VPS13B: variants seen among roughly 807,000 people sequenced by gnomAD.
The protein encoded by VPS13B is intermembrane lipid transfer protein VPS13B.
In VPS13B, 285 loss-of-function variants were observed where a neutral mutation model predicts 426.4. The ratio of observed to expected loss-of-function variants is 0.67; its 90% confidence interval spans 0.61 to 0.74. The LOEUF (loss-of-function observed/expected upper bound fraction) is 0.74. Ranked by LOEUF, VPS13B falls within the 30% of genes least tolerant of loss-of-function variation. VPS13B has a pLI of 0.00. For missense variants in VPS13B, 4,537 were observed against 4,782.6 expected, an observed-to-expected ratio of 0.95 and a Z score of 1.51; for synonymous variants, 1,676 against 1,676.4, an observed-to-expected ratio of 1.00 and a Z score of 0.01.
intron 14 of VPS13B, among the ~76,000 whole-genome samples, chr8:99,153,221 A>G (rs1174420852): frequency 6.6e-6 from 1 of 152,182 alleles, no homozygotes; most frequent in Non-Finnish European, 1.5e-5. Flanking sequence ...TTTTGTAGAC[A>G]ATATATAGTT....
At chr8:99,058,823 A>C (rs1844026642) in intron 3 of VPS13B, among the ~76,000 whole-genome samples, 1 of 152,160 alleles carries the variant, frequency 6.6e-6, no homozygotes, top group Non-Finnish European at 1.5e-5. Flanking sequence ...GGGATGACTT[A>C]TGGAATTTTA....
intron 51 of VPS13B, 26 bp from the exon 52 acceptor site, chr8:99,832,341 ATT>A (rs370235149): frequency 0.026 from 30,588 of 1,165,298 alleles, 7 homozygotes; most frequent in African/African-American, 0.049. Flanking sequence ...TGCTCTCTGC[ATT>A]TTTTTTTTTT....
At chr8:99,252,791 A>T (rs962512936) in intron 17 of VPS13B, among the ~76,000 whole-genome samples, 1 of 152,040 alleles carries the variant, frequency 6.6e-6, no homozygotes, top group Non-Finnish European at 1.5e-5. Flanking sequence ...ACTTTATTTG[A>T]CATTAAAATA....
At chr8:99,146,846 AG>A (rs1810758500) in intron 13 of VPS13B, among the ~76,000 whole-genome samples, 1 of 152,130 alleles carries the variant, frequency 6.6e-6, no homozygotes, top group East Asian at 1.9e-4. Context: ...CTGGGATTAT[AG>A]GCATGAACCA....
At chr8:99,478,113 A>T (rs185150484) in intron 24 of VPS13B, among the ~76,000 whole-genome samples, 1 of 151,390 alleles carries the variant, frequency 6.6e-6, no homozygotes, top group African/African-American at 2.4e-5. Flanking sequence ...AAAGAAGCCC[A>T]TAGAATCTTT....
At chr8:99,490,686 C>T (rs977822729) in intron 25 of VPS13B, among the ~76,000 whole-genome samples, 5 of 152,188 alleles carry the variant, frequency 3.3e-5, no homozygotes, top group African/African-American at 1.2e-4. Flanking sequence ...AATTTATTTG[C>T]ATAGAGGTGT....
At chr8:99,545,123 G>A (rs1482306527) in intron 30 of VPS13B, among the ~76,000 whole-genome samples, 2 of 150,398 alleles carry the variant, frequency 1.3e-5, no homozygotes, top group Non-Finnish European at 3.0e-5. Flanking sequence ...ACTCTGCCAT[G>A]TAAGACTCAT....
chr8:99,796,325 G>A (rs532445638), intron 43 of VPS13B, among the ~76,000 whole-genome samples: 38 of 151,868 alleles, frequency 2.5e-4, no homozygotes, highest in Non-Finnish European at 4.6e-4. Context: ...GGGAAGTGAC[G>A]AAGTGGTGAT....
intron 17 of VPS13B, among the ~76,000 whole-genome samples, chr8:99,249,645 G>T (rs1026166310): frequency 1.3e-5 from 2 of 152,006 alleles, no homozygotes; most frequent in Admixed American, 6.6e-5. Flanking sequence ...GGATGGTCTC[G>T]ATCTCCTGAC....
rs543089134 is a variant in VPS13B at position 99,704,609 on chromosome 8, G to A, written c.6454+4677G>A. Among the ~76,000 whole-genome samples, 12 of 152,266 alleles carry A rather than the reference G, an allele frequency of 7.9e-5. No individual in the cohort carries two copies. In the South Asian group the frequency reaches 2.5e-3, roughly 32 times the overall value. On this transcript the variant is annotated intron_variant, in intron 36 of 61. Transcript: ENST00000357162. ...CTGAACAATAGGAAATGAGTTCTTT[G>A]ACAGTTAAAGCCAGAGGACAAACTT... is the stretch of plus-strand genomic sequence containing the variant.
At chr8:99,349,453 T>G (rs905985601) in intron 19 of VPS13B, among the ~76,000 whole-genome samples, 61 of 150,886 alleles carry the variant, frequency 4.0e-4, no homozygotes, top group African/African-American at 1.4e-3. Flanking sequence ...AAAAACTAAA[T>G]CTAGAATCCA....
At chr8:99,349,388 T>A (rs1454203343) in intron 19 of VPS13B, among the ~76,000 whole-genome samples, 2 of 145,228 alleles carry the variant, frequency 1.4e-5, no homozygotes, top group Admixed American at 6.8e-5. Context: ...CTTTTACTAC[T>A]CAGACTAATA....
Position 99,511,330 on chromosome 8 carries a change from A to T in VPS13B, c.4451A>T (p.Asn1484Ile), listed in dbSNP as rs1457753544. The change falls in exon 29 of 62, where the codon AAT becomes ATT. Residue 1484 changes from asparagine (N) to isoleucine (I), a missense_variant. Coordinates refer to ENST00000357162, the MANE Select transcript of VPS13B (RefSeq NM_152564.5). ...ATTGTTCTTTATTTTCCTTTACTTA[A>T]TGCCATTGCAAGTATATTTCAAGCA... is the stretch of plus-strand genomic sequence containing the variant. ...FDIVLYFPLL[N>I]AIASIFQAKL... is the part of the protein sequence containing the mutation. 8.7e-6 allele frequency: 14 copies of T among 1,613,794 alleles called. No individual in the cohort carries two copies. The Admixed American group carries it at 2.3e-4, about 27-fold the overall frequency.
intron 33 of VPS13B, among the ~76,000 whole-genome samples, chr8:99,639,740 G>A (rs962984000): frequency 6.7e-6 from 1 of 148,952 alleles, no homozygotes; most frequent in Non-Finnish European, 1.5e-5. Flanking sequence ...GGAGGCTGAG[G>A]CAGGAGGATT....
In VPS13B at chr8:99,156,591, C is replaced by T. The variant is rs148047632; in HGVS notation, c.2056C>T (p.Arg686Trp). The T allele has an allele frequency of 3.2e-5, 51 of 1,613,968 alleles. No individual in the cohort carries two copies. Among genetic ancestry groups the T allele is most frequent in the Admixed American group, 8.3e-5 (5 of 60,010 alleles). ...GAATACTACAAACTTCCAGTCTCTT[C>T]GGCCTTTGCCATCCATTCGAATATT... The part of the protein sequence containing the change: ...FMNTTNFQSL[R>W]PLPSIRILVD... Residue 686 changes from arginine to tryptophan, a missense_variant, in exon 15 of 62, where the codon CGG becomes TGG. Physicochemically the swap from Arg to Trp is moderately radical, Grantham distance 101. Coordinates refer to ENST00000357162, the MANE Select transcript of VPS13B (RefSeq NM_152564.5).
chr8:99,391,523 A>C (rs747174589), intron 20 of VPS13B, 34 bp from the exon 21 acceptor site: 1 of 1,613,984 alleles, frequency 6.2e-7, no homozygotes, highest in Non-Finnish European at 8.5e-7. Context: ...GAAAAACTAA[A>C]AACTAAAAAG....
At chr8:99,066,356 C>T (rs1844511130) in intron 3 of VPS13B, among the ~76,000 whole-genome samples, 1 of 152,204 alleles carries the variant, frequency 6.6e-6, no homozygotes, top group Admixed American at 6.5e-5. Flanking sequence ...CACACATCTA[C>T]AACCATCTGA....
At chr8:99,014,786 G>C (rs1841530538) in intron 2 of VPS13B, among the ~76,000 whole-genome samples, 1 of 151,374 alleles carries the variant, frequency 6.6e-6, no homozygotes, top group Non-Finnish European at 1.5e-5. Context: ...CATTGAGAAT[G>C]GCAGTAAAAT....
At chr8:99,570,610 C>A (rs566154690) in intron 31 of VPS13B, among the ~76,000 whole-genome samples, 1 of 151,508 alleles carries the variant, frequency 6.6e-6, no homozygotes, top group South Asian at 2.1e-4. Flanking sequence ...TAATTTTAAG[C>A]AAAATTTTTA....
Sources: gnomAD v4.1 joint callset for allele counts (sites outside exome capture counted in the v4.1 genomes callset) on GRCh38, gnomAD v4.1.1 for gene constraint, MANE v1.5 for transcripts, NCBI Gene and HGNC (gene_info 2026-07-23, HGNC 2026-07-21) for gene names.